MYLK2: variants seen among roughly 807,000 people sequenced by gnomAD.
MYLK2 encodes myosin light chain kinase 2, skeletal/cardiac muscle.
A neutral mutation model predicts 58.2 loss-of-function variants in MYLK2; 27 were observed. The ratio of observed to expected loss-of-function variants is 0.46; its 90% CI spans 0.34 to 0.64. The LOEUF (loss-of-function observed/expected upper bound fraction) is 0.64. MYLK2 is among the 30% of genes least tolerant of loss of function. MYLK2 has a pLI of 0.01. For synonymous variants in MYLK2, 310 were observed against 296.7 expected (o/e 1.04, Z -0.46); for missense variants, 676 against 764.3 (o/e 0.88, Z 1.36).
At chr20:31,822,258 A>G (rs544011691) in intron 4 of MYLK2, among the ~76,000 whole-genome samples, 1 of 152,306 alleles carries the variant, frequency 6.6e-6, no homozygotes, top group Admixed American at 6.5e-5. Flanking sequence ...AGTTAAAAAA[A>G]AGAAAAATCA....
At position 31,831,704 on chromosome 20, in the gene MYLK2, C is replaced by T. The variant is rs1380096381; in HGVS notation, c.1426C>T (p.Leu476=). ...WSMGVITYML[L]SGLSPFLGDD... ...CCCCCTGCTATCCCCTCCCTCTAGG[C>T]TGAGCGGCCTCTCCCCCTTCCTGGG... Residue 476 remains leucine (L), a splice_region_variant and synonymous_variant, in exon 11 of 13, where the codon CTG becomes TTG. Coordinates refer to ENST00000375985, the MANE Select transcript of MYLK2 (RefSeq NM_033118.4). The T allele has an allele frequency of 1.2e-6, 2 of 1,614,064 alleles. No homozygotes were observed. Among genetic ancestry groups the T allele is most frequent in the Non-Finnish European group, 1.7e-6 (2 of 1,179,996 alleles).
rs574571324 is a variant in MYLK2 at position 31,826,284 on chromosome 20, T to C, written c.973-321T>C. 2.6e-5 allele frequency among the ~76,000 whole-genome samples: 4 copies of C among 152,010 alleles called. No homozygotes were observed. In the South Asian group the frequency reaches 8.3e-4, roughly 32 times the overall value. ...ATGTATATTTGGAAATTGATGACTTTGGATAAAATGTAAAGTCATGAGACT... is the reference window on the plus strand; with the variant it reads ...ATGTATATTTGGAAATTGATGACTTCGGATAAAATGTAAAGTCATGAGACT... On this transcript the variant is annotated intron_variant, in intron 6 of 12. Coordinates refer to ENST00000375985, the MANE Select transcript of MYLK2 (RefSeq NM_033118.4).
chr20:31,821,497 G>GTT lies in MYLK2; in HGVS notation c.532_533insTT (p.Gly178ValfsTer5). ...CGAGGCATCAGAGCTCACCTTTGAAGGGGTGCCCATGACCCACAGCCCCAC... is the reference window on the plus strand; with the variant it reads ...CGAGGCATCAGAGCTCACCTTTGAAGTTGGGTGCCCATGACCCACAGCCCCAC... On this transcript the variant is annotated frameshift_variant, in exon 4 of 13. Coordinates refer to ENST00000375985, the MANE Select transcript of MYLK2 (RefSeq NM_033118.4). LOFTEE classifies it high-confidence loss of function. 6.2e-7 allele frequency: 1 copy of GTT among 1,614,002 alleles called. No individual in the cohort carries two copies. Among genetic ancestry groups the GTT allele is most frequent in the Non-Finnish European group, 8.5e-7 (1 of 1,180,046 alleles).
chr20:31,828,568 T>C, intron 8 of MYLK2: 1 of 983,992 alleles, frequency 1.0e-6, no homozygotes, highest in African/African-American at 1.7e-5. Flanking sequence ...CATAAAACAA[T>C]TCCTAACTAA....
intron 9 of MYLK2, 38 bp downstream of exon 9, chr20:31,830,927 C>G: frequency 1.3e-6 from 2 of 1,569,476 alleles, no homozygotes. Flanking sequence ...AGACAAGCCT[C>G]TGAGTTGGCA....
chr20:31,833,703 C>T lies in MYLK2; in HGVS notation c.1711-14C>T. Reference sequence around the variant, plus strand: ...CCTGGTGTTGACTGGGACTCCCTCTCTTCTGCCCTCTAGAAAAACTTCATT... The same window carrying T: ...CCTGGTGTTGACTGGGACTCCCTCTTTTCTGCCCTCTAGAAAAACTTCATT... On this transcript the variant is annotated splice_polypyrimidine_tract_variant and intron_variant, in intron 12 of 12. Transcript: ENST00000375985. 1 of 1,613,482 alleles carries T rather than the reference C, an allele frequency of 6.2e-7. No homozygotes were observed. Among genetic ancestry groups the T allele is most frequent in the Non-Finnish European group, 8.5e-7 (1 of 1,179,494 alleles).
chr20:31,831,954 G>A, intron 11 of MYLK2, 50 bp from the exon 12 acceptor site: 1 of 1,612,596 alleles, frequency 6.2e-7, no homozygotes, highest in Non-Finnish European at 8.5e-7. Context: ...CTGAGCCCCT[G>A]GGGCCTCACG....
chr20:31,826,736 A>G, intron 7 of MYLK2, 22 bp downstream of exon 7: 1 of 1,613,818 alleles, frequency 6.2e-7, no homozygotes, highest in Non-Finnish European at 8.5e-7. Context: ...AAGTAGTGGT[A>G]GGGGCTGGGT....
intron 6 of MYLK2, among the ~76,000 whole-genome samples, chr20:31,825,487 A>G (rs1186033762): frequency 6.6e-6 from 1 of 152,212 alleles, no homozygotes; most frequent in African/African-American, 2.4e-5. Flanking sequence ...CTGACATGCT[A>G]CAGTGGAGGG....
chr20:31,823,910 T>C (rs2062265191), intron 5 of MYLK2: 2 of 984,198 alleles, frequency 2.0e-6, no homozygotes, highest in Non-Finnish European at 2.4e-6. Context: ...GACTCAGTCT[T>C]ATACCTCTGC....
intron 4 of MYLK2, among the ~76,000 whole-genome samples, chr20:31,823,166 G>T (rs1016383619): frequency 2.0e-5 from 3 of 152,236 alleles, no homozygotes; most frequent in Admixed American, 2.0e-4. Context: ...ATTGTTTTTG[G>T]TGGAAATGCA....
At position 31,831,815 on chromosome 20, in the gene MYLK2, G is replaced by GC; in HGVS notation, c.1539dup (p.Lys514GlnfsTer38). Reference sequence around the variant, plus strand: ...GACCTTTGAGGCCGTATCAGACGAGGCCAAAGACTTTGTCTCCAACCTCAT... The same window carrying GC: ...GACCTTTGAGGCCGTATCAGACGAGGCCCAAAGACTTTGTCTCCAACCTCAT... On this transcript the variant is annotated frameshift_variant, in exon 11 of 13. Coordinates refer to ENST00000375985, the MANE Select transcript of MYLK2 (RefSeq NM_033118.4). LOFTEE classifies it high-confidence loss of function. 6.2e-7 allele frequency: 1 copy of GC among 1,614,156 alleles called. No homozygotes were observed. Among genetic ancestry groups the GC allele is most frequent in the African/African-American group, 1.3e-5 (1 of 75,022 alleles).
intron 6 of MYLK2, chr20:31,824,598 A>G: frequency 1.0e-6 from 1 of 962,690 alleles, no homozygotes; most frequent in African/African-American, 1.8e-5. Flanking sequence ...GGCATGGGAT[A>G]TTCATGCCCT....
At chr20:31,833,565 T>C (rs1361500796) in intron 12 of MYLK2, 152 bp from the exon 13 acceptor site, 2 of 721,230 alleles carry the variant, frequency 2.8e-6, no homozygotes, top group Non-Finnish European at 5.0e-6. Context: ...GACAATACAG[T>C]GTCATGGCGC....
intron 4 of MYLK2, 145 bp from the exon 5 acceptor site, chr20:31,823,332 C>A (rs1271698373): frequency 1.4e-6 from 1 of 713,288 alleles, no homozygotes; most frequent in Admixed American, 2.2e-5. Context: ...CCCATAGCCC[C>A]TATCCTGGAG....
In MYLK2 at chr20:31,826,818, C is replaced by T. The variant is rs6089088; in HGVS notation, c.1104C>T (p.Phe368=). ...ACAGCATCGAGGGCGGAGAGCTCTT[C>T]GAGAGGATTGTGGATGAGGACTACC... ...FMEYIEGGEL[F]ERIVDEDYHL... Residue 368 remains phenylalanine (F), a synonymous_variant, in exon 8 of 13, where the codon TTC becomes TTT. Transcript: ENST00000375985. The T allele has an allele frequency of 0.023, 37,479 of 1,614,006 alleles. 543 individuals are homozygous for T. The highest frequency in any genetic ancestry group is 0.027 in the Admixed American group (1,649 of 59,994).
At chr20:31,826,359 G>A (rs1268637688) in intron 6 of MYLK2, among the ~76,000 whole-genome samples, 2 of 152,012 alleles carry the variant, frequency 1.3e-5, no homozygotes, top group Non-Finnish European at 2.9e-5. Flanking sequence ...GGTGAGGGGG[G>A]AGGATGGAGA....
chr20:31,828,598 GAA>G (rs1486916087), intron 8 of MYLK2: 35 of 985,160 alleles, frequency 3.6e-5, no homozygotes, highest in South Asian at 4.7e-5. Flanking sequence ...TTTAAGCCAT[GAA>G]AAGTGTTTGA....
Position 31,831,713 on chromosome 20 carries a change from C to T in MYLK2, c.1435C>T (p.Leu479Phe). 1 of 1,614,054 alleles carries T rather than the reference C, an allele frequency of 6.2e-7. No homozygotes were observed. The highest frequency in any genetic ancestry group is 8.5e-7 in the Non-Finnish European group (1 of 1,179,986). The change falls in exon 11 of 13, where the codon CTC (leucine) becomes TTC (phenylalanine). Residue 479 changes from leucine to phenylalanine, a missense_variant. By Grantham distance (22) the Leu-to-Phe change is conservative. Transcript: ENST00000375985. ...ATCCCCTCCCTCTAGGCTGAGCGGC[C>T]TCTCCCCCTTCCTGGGAGATGATGA... Reference protein sequence around the residue: ...GVITYMLLSGLSPFLGDDDTE... With the variant: ...GVITYMLLSGFSPFLGDDDTE...
Sources: allele counts gnomAD v4.1 joint callset (sites outside exome capture counted in the v4.1 genomes callset), GRCh38; gene constraint gnomAD v4.1.1; transcripts MANE v1.5; gene names NCBI Gene and HGNC (gene_info 2026-07-23, HGNC 2026-07-21).